The following RRP12 variants were observed in gnomAD, a reference collection of about 807,000 sequenced individuals.
RRP12 encodes ribosomal RNA processing 12 homolog, also known as RRP12-like protein.
A neutral mutation model predicts 157.3 loss-of-function variants in RRP12; 78 were observed. The ratio of observed to expected loss-of-function variants is 0.50; its 90% confidence interval spans 0.41 to 0.60. The LOEUF is 0.60. RRP12 is among the 20% of genes least tolerant of loss of function. The probability of loss-of-function intolerance (pLI) is 0.00; values close to 1 mark genes in which losing one functional copy is unlikely to be tolerated. For synonymous variants in RRP12, 726 were observed against 670.9 expected (o/e 1.08, Z -1.27); for missense variants, 1,521 against 1,679.9 (o/e 0.91, Z 1.65).
chr10:97,376,246 G>A (rs1399878968), intron 15 of RRP12, among the ~76,000 whole-genome samples: 2 of 114,770 alleles, frequency 1.7e-5, no homozygotes, highest in Admixed American at 1.2e-4. Flanking sequence ...ATGAAGTCTC[G>A]CTCTGTCTCC....
intron 18 of RRP12, 27 bp downstream of exon 18, chr10:97,373,019 C>T (rs1378181842): frequency 1.3e-6 from 2 of 1,591,102 alleles, no homozygotes; most frequent in South Asian, 2.2e-5. Context: ...TCCCCTCCTC[C>T]CTCCTTCCCT....
Position 97,373,212 on chromosome 10 carries a change from A to AC in RRP12, c.2027-13_2027-12insG. ...AGCACGGTCAGCCTCTGGTAAAAGG[A>AC]TCAAAGTTTGCACTAAAGGCACAGG... On this transcript the variant is annotated splice_polypyrimidine_tract_variant and intron_variant, in intron 17 of 33. Coordinates refer to ENST00000370992, the MANE Select transcript of RRP12 (RefSeq NM_015179.4). 1 of 1,613,394 alleles carries AC rather than the reference A, an allele frequency of 6.2e-7. No homozygotes were observed. The highest frequency in any genetic ancestry group is 8.5e-7 in the Non-Finnish European group (1 of 1,179,586).
intron 15 of RRP12, among the ~76,000 whole-genome samples, chr10:97,374,501 A>G (rs1844250108): frequency 6.7e-6 from 1 of 148,888 alleles, no homozygotes; most frequent in Admixed American, 6.7e-5. Context: ...GGCTGGGTGC[A>G]GTGGCTCACA....
chr10:97,370,739 A>C lies in RRP12; in HGVS notation c.2560T>G (p.Phe854Val). The C allele has an allele frequency of 6.2e-7, 1 of 1,613,888 alleles. No homozygotes were observed. The change falls in exon 22 of 34, where the codon TTC becomes GTC. Residue 854 changes from phenylalanine to valine, a missense_variant. Transcript: ENST00000370992. Reference sequence around the variant, plus strand: ...ACCTCTGGGATGAGGGCAGTGATGAACTCCTTGTGTTCAGCTGAGAGCTTC... The same window carrying C: ...ACCTCTGGGATGAGGGCAGTGATGACCTCCTTGTGTTCAGCTGAGAGCTTC... ...VRKLSAEHKE[F>V]ITALIPEVIL...
intron 31 of RRP12, among the ~76,000 whole-genome samples, chr10:97,360,140 A>G (rs1843804999): frequency 6.6e-6 from 1 of 152,020 alleles, no homozygotes; most frequent in Non-Finnish European, 1.5e-5. Flanking sequence ...CCCAATACCA[A>G]CCTTCCCAGT....
intron 2 of RRP12, among the ~76,000 whole-genome samples, chr10:97,399,630 G>A (rs1212221014): frequency 6.6e-6 from 1 of 151,818 alleles, no homozygotes. Context: ...CAAGGTGGGC[G>A]GATTACCTGA....
intron 4 of RRP12, among the ~76,000 whole-genome samples, 181 bp from the exon 5 acceptor site, chr10:97,391,025 G>A (rs887361125): frequency 6.6e-6 from 1 of 152,046 alleles, no homozygotes; most frequent in African/African-American, 2.4e-5. Context: ...TTCCACCCGG[G>A]ATCCCTGCCT....
At chr10:97,386,112 C>A (rs180919050) in intron 8 of RRP12, 119 bp from the exon 9 acceptor site, 17 of 635,472 alleles carry the variant, frequency 2.7e-5, no homozygotes, top group Non-Finnish European at 4.0e-5. Context: ...ACATGCCCCC[C>A]ACACAGAGAC....
chr10:97,377,013 G>A (rs1023674257), intron 15 of RRP12, among the ~76,000 whole-genome samples: 2 of 151,742 alleles, frequency 1.3e-5, no homozygotes, highest in African/African-American at 4.8e-5. Flanking sequence ...CCGAGTAGGT[G>A]GGATTATAGG....
intron 4 of RRP12, among the ~76,000 whole-genome samples, chr10:97,391,145 C>T (rs1035130825): frequency 6.6e-6 from 1 of 152,232 alleles, no homozygotes; most frequent in African/African-American, 2.4e-5. Flanking sequence ...CCTTCCCTCC[C>T]TTCTGCCACT....
chr10:97,393,194 T>C (rs750952192), intron 4 of RRP12: 27 of 424,244 alleles, frequency 6.4e-5, no homozygotes, highest in South Asian at 3.9e-4. Context: ...TCATTTTCAA[T>C]AGAGCTTTCT....
At chr10:97,386,807 G>A (rs1394769650) in intron 8 of RRP12, among the ~76,000 whole-genome samples, 6 of 152,148 alleles carry the variant, frequency 3.9e-5, no homozygotes, top group Admixed American at 1.3e-4. Flanking sequence ...TGGCTAACAC[G>A]GTGAAACCCC....
intron 15 of RRP12, among the ~76,000 whole-genome samples, chr10:97,375,241 G>C (rs1270721440): frequency 6.9e-6 from 1 of 145,630 alleles, no homozygotes; most frequent in African/African-American, 2.6e-5. Context: ...CTACAGGTGA[G>C]CCTACCACAC....
rs1307276406 is a variant in RRP12 at position 97,373,888 on chromosome 10, T to C, written c.1805A>G (p.Asp602Gly). The change falls in exon 16 of 34, where the codon GAC becomes GGC. Residue 602 changes from aspartate (D) to glycine (G), a missense_variant. Asp to Gly is a moderately conservative substitution (Grantham distance 94). Transcript: ENST00000370992. Reference protein sequence around the residue: ...LANTLKSKAMDLAQAGSTVES... With the variant: ...LANTLKSKAMGLAQAGSTVES... The stretch of plus-strand genomic sequence containing the variant: ...CACTGTGCTGCCTGCCTGAGCCAGG[T>C]CCATGGCTGCAGTGTGACAGAGGGA... 6.2e-7 allele frequency: 1 copy of C among 1,613,162 alleles called. No individual in the cohort carries two copies. The highest frequency in any genetic ancestry group is 1.7e-5 in the Admixed American group (1 of 59,990).
At chr10:97,379,958 T>C (rs1417415756) in intron 13 of RRP12, among the ~76,000 whole-genome samples, 188 bp from the exon 14 acceptor site, 2 of 152,244 alleles carry the variant, frequency 1.3e-5, no homozygotes, top group Non-Finnish European at 2.9e-5. Context: ...TACAAAATTC[T>C]GTTACATTTA....
rs547526660 is a variant in RRP12, at chr10:97,366,331, C to T, written c.3392-98G>A. ...GCCCGGCTCAGGGATCCCAAACGGGCGCCTCTCAGCCCTGTCCATGGGCCT... is the reference window on the plus strand; with the variant it reads ...GCCCGGCTCAGGGATCCCAAACGGGTGCCTCTCAGCCCTGTCCATGGGCCT... On this transcript the variant is annotated intron_variant, in intron 28 of 33. Coordinates refer to ENST00000370992, the MANE Select transcript of RRP12 (RefSeq NM_015179.4). 183 of 1,567,642 alleles carry T rather than the reference C, an allele frequency of 1.2e-4. No individual in the cohort carries two copies. The African/African-American group carries it at 1.7e-3, about 15-fold the overall frequency.
rs1384286191 is a variant in RRP12 at position 97,360,608 on chromosome 10, T to C, written c.3578A>G (p.Gln1193Arg). The C allele has an allele frequency of 1.9e-6, 3 of 1,613,822 alleles. No homozygotes were observed. Among genetic ancestry groups the C allele is most frequent in the Admixed American group, 1.7e-5 (1 of 59,998 alleles). ...EDVIIRNKKHQKLKHQKEAEE... is the reference protein window; with the variant it reads ...EDVIIRNKKHRKLKHQKEAEE... ...AGCCTCTTTCTGGTGCTTGAGCTTC[T>C]GGTGCTTTTTCTATAGAGAGAGAAT... is the stretch of plus-strand genomic sequence containing the variant. Residue 1193 changes from glutamine to arginine, a missense_variant, in exon 31 of 34, where the codon CAG (glutamine) becomes CGG (arginine). Gln to Arg is a conservative substitution (Grantham distance 43). Transcript: ENST00000370992.
Position 97,369,694 on chromosome 10 carries a change from C to T in RRP12, c.2798-112G>A, listed in dbSNP as rs1844088819. ...GTCAGTAAAAGCTGACATTGAGAGC[C>T]TTTCCGTATGCCCGGGATGGTTCCA... On this transcript the variant is annotated intron_variant, in intron 24 of 33. Coordinates refer to ENST00000370992, the MANE Select transcript of RRP12 (RefSeq NM_015179.4). The T allele has an allele frequency of 1.6e-5, 18 of 1,155,148 alleles. No individual in the cohort carries two copies. In the East Asian group the frequency reaches 4.4e-4, roughly 28 times the overall value. 71.6% of individuals were successfully genotyped at this position (1,155,148 alleles called of 1,614,324 possible).
intron 9 of RRP12, 124 bp from the exon 10 acceptor site, chr10:97,385,381 A>T: frequency 6.7e-6 from 5 of 748,540 alleles, no homozygotes; most frequent in Non-Finnish European, 1.1e-5. Flanking sequence ...TAGCACTCAC[A>T]GCCCCCTTGG....
Sources: allele counts gnomAD v4.1 joint callset (sites outside exome capture counted in the v4.1 genomes callset), GRCh38; gene constraint gnomAD v4.1.1; transcripts MANE v1.5; gene names NCBI Gene and HGNC (gene_info 2026-07-23, HGNC 2026-07-21).